NAV2: variants seen among roughly 807,000 people sequenced by gnomAD.
The protein encoded by NAV2 is helicase, APC down-regulated 1.
Under a neutral mutation model 223.2 loss-of-function variants are expected in NAV2, and 54 were observed. The observed-to-expected ratio is 0.24, with a 90% confidence interval of 0.19 to 0.30. NAV2 has a LOEUF of 0.30. Ranked by LOEUF, NAV2 falls within the 10% of genes least tolerant of loss-of-function variation. The pLI is 1.00. For missense variants in NAV2, 2,806 were observed against 3,147.5 expected, an observed-to-expected ratio of 0.89 and a Z score of 2.60; for synonymous variants, 1,279 against 1,239.3, an observed-to-expected ratio of 1.03 and a Z score of -0.67.
chr11:19,452,915 A>G (rs555539758), intron 1 of NAV2, among the ~76,000 whole-genome samples: 1 of 152,366 alleles, frequency 6.6e-6, no homozygotes, highest in South Asian at 2.1e-4. Flanking sequence ...TGGTTACTAT[A>G]TGTAAAAGCT....
chr11:19,484,127 AACACACACACAC>A (rs58138697), intron 1 of NAV2, among the ~76,000 whole-genome samples: 5 of 144,790 alleles, frequency 3.5e-5, no homozygotes, highest in African/African-American at 1.0e-4. Context: ...ACTGATCACA[AACACACACACAC>A]ACACACACAC....
intron 1 of NAV2, among the ~76,000 whole-genome samples, chr11:19,767,442 T>C (rs1327207382): frequency 6.6e-6 from 1 of 152,234 alleles, no homozygotes; most frequent in African/African-American, 2.4e-5. Context: ...TACACAATTA[T>C]AATGGTAAAC....
intron 36 of NAV2, among the ~76,000 whole-genome samples, chr11:20,111,449 T>G (rs2062632519): frequency 6.6e-6 from 1 of 152,230 alleles, no homozygotes; most frequent in Non-Finnish European, 1.5e-5. Flanking sequence ...CAGCCATTCA[T>G]CACCCAGACT....
intron 1 of NAV2, among the ~76,000 whole-genome samples, chr11:19,470,139 T>C (rs376257541): frequency 2.0e-4 from 31 of 152,348 alleles, no homozygotes; most frequent in African/African-American, 6.5e-4. Context: ...CAAGGACCTG[T>C]TGGCTTCCCT....
intron 1 of NAV2, among the ~76,000 whole-genome samples, chr11:19,665,730 A>G (rs1477121930): frequency 6.6e-6 from 1 of 152,184 alleles, no homozygotes; most frequent in East Asian, 1.9e-4. Flanking sequence ...GAAGAGCAGA[A>G]AAGCATGATT....
intron 1 of NAV2, among the ~76,000 whole-genome samples, chr11:19,543,953 T>C (rs926483206): frequency 6.6e-6 from 1 of 152,246 alleles, no homozygotes; most frequent in African/African-American, 2.4e-5. Flanking sequence ...GTGAAAAGTA[T>C]TGTTCAAATG....
chr11:20,100,174 T>G (rs2243437), intron 31 of NAV2, among the ~76,000 whole-genome samples: 79,085 of 152,058 alleles, frequency 0.52, 24,340 homozygotes, highest in Middle Eastern at 0.72. Flanking sequence ...TAACCTTGGA[T>G]GGATCTTCTC....
chr11:19,672,616 C>T (rs956280115), intron 1 of NAV2, among the ~76,000 whole-genome samples: 1 of 152,028 alleles, frequency 6.6e-6, no homozygotes, highest in Non-Finnish European at 1.5e-5. Flanking sequence ...CTGCTTGACC[C>T]AAGGGATGGA....
At chr11:19,819,915 A>G (rs1034655976) in intron 1 of NAV2, among the ~76,000 whole-genome samples, 6 of 152,184 alleles carry the variant, frequency 3.9e-5, no homozygotes, top group African/African-American at 1.4e-4. Context: ...AACAATCCTG[A>G]GATGTTAAGC....
chr11:20,036,825 T>C (rs2056421015), intron 12 of NAV2, among the ~76,000 whole-genome samples: 1 of 152,206 alleles, frequency 6.6e-6, no homozygotes. Flanking sequence ...GCACAGCTGC[T>C]ACCCTGCTGG....
In NAV2 at chr11:19,949,093, G is replaced by T; in HGVS notation, c.2645+13G>T. On this transcript the variant is annotated intron_variant, in intron 10 of 37. Coordinates refer to ENST00000349880, the MANE Select transcript of NAV2 (RefSeq NM_145117.5). ...ACATTACAAGCGGGTAAGTACCCGG[G>T]GCCGCCCTTTCTCCCAGAGAGAAAG... is the stretch of plus-strand genomic sequence containing the variant. 1 of 1,569,818 alleles carries T rather than the reference G, an allele frequency of 6.4e-7. No homozygotes were observed. The highest frequency in any genetic ancestry group is 1.2e-5 in the South Asian group (1 of 83,896).
chr11:19,650,867 G>A (rs1046345706), intron 1 of NAV2, among the ~76,000 whole-genome samples: 3 of 152,048 alleles, frequency 2.0e-5, no homozygotes, highest in Non-Finnish European at 4.4e-5. Context: ...TCCATAAAAG[G>A]CAAACTTAAT....
chr11:20,043,862 T>TAAGCAAAA (rs2057189412), intron 12 of NAV2, 119 bp from the exon 13 acceptor site: 1 of 885,662 alleles, frequency 1.1e-6, no homozygotes, highest in Non-Finnish European at 1.7e-6. Context: ...CAAACATCTT[T>TAAGCAAAA]AAAGTAATGC....
At chr11:19,722,536 A>G (rs1347309138) in intron 1 of NAV2, among the ~76,000 whole-genome samples, 4 of 152,204 alleles carry the variant, frequency 2.6e-5, no homozygotes, top group Non-Finnish European at 5.9e-5. Flanking sequence ...TAGCCTGGCC[A>G]TTAGCCCCTC....
intron 1 of NAV2, among the ~76,000 whole-genome samples, chr11:19,791,619 C>T (rs887883492): frequency 4.6e-5 from 7 of 152,168 alleles, no homozygotes; most frequent in Non-Finnish European, 8.8e-5. Flanking sequence ...CATGTGAGAA[C>T]ATCTGTGACT....
At chr11:19,828,127 C>T (rs796643012) in intron 1 of NAV2, among the ~76,000 whole-genome samples, 1 of 127,946 alleles carries the variant, frequency 7.8e-6, no homozygotes, top group African/African-American at 3.0e-5. Flanking sequence ...GCACCCCAGC[C>T]TGGGAGACAG....
At chr11:19,447,222 A>C (rs4756999) in intron 1 of NAV2, among the ~76,000 whole-genome samples, 86,281 of 152,136 alleles carry the variant, frequency 0.57, 25,412 homozygotes, top group Non-Finnish European at 0.66. Context: ...AATCTCTTCC[A>C]GATTACTTGA....
rs898495463 is a variant in NAV2, at chr11:19,615,903, C to A, written c.76-216581C>A. Among the ~76,000 whole-genome samples, 9 of 152,256 alleles carry A rather than the reference C, an allele frequency of 5.9e-5. No homozygotes were observed. The East Asian group carries it at 1.7e-3, about 29-fold the overall frequency. On this transcript the variant is annotated intron_variant, in intron 1 of 37. Coordinates refer to the NAV2 transcript ENST00000360655. ...GTAAGCCCATCAGCTCCGTCTGAGT[C>A]CACTGTTGGGGGGATCCTGACCTGT...
At chr11:19,875,583 G>A (rs2153072584) in intron 4 of NAV2, among the ~76,000 whole-genome samples, 1 of 152,272 alleles carries the variant, frequency 6.6e-6, no homozygotes, top group East Asian at 1.9e-4. Context: ...TCCAGAAAAG[G>A]CAAATCTGTA....
Sources: gnomAD v4.1 joint callset for allele counts (sites outside exome capture counted in the v4.1 genomes callset) on GRCh38, gnomAD v4.1.1 for gene constraint, MANE v1.5 for transcripts, NCBI Gene and HGNC (gene_info 2026-07-23, HGNC 2026-07-21) for gene names.